PATJ: variants seen among roughly 807,000 people sequenced by gnomAD.
PATJ encodes inaD-like protein.
PATJ carries 190 observed loss-of-function variants against 224.9 expected under a neutral mutation model. The ratio of observed to expected loss-of-function variants is 0.84; its 90% confidence interval spans 0.75 to 0.95. The LOEUF is 0.95. Among genes scored for constraint, PATJ ranks in the 40% least tolerant of loss-of-function variants. PATJ has a pLI of 0.00. For missense variants in PATJ, 2,121 were observed against 2,270.3 expected, an observed-to-expected ratio of 0.93 and a Z score of 1.34; for synonymous variants, 769 against 820.3, an observed-to-expected ratio of 0.94 and a Z score of 1.07.
intron 1 of PATJ, among the ~76,000 whole-genome samples, chr1:61,754,245 C>A (rs959302618): frequency 1.3e-5 from 2 of 152,176 alleles, no homozygotes; most frequent in African/African-American, 4.8e-5. Flanking sequence ...CTCCATAAGC[C>A]CTGTTGGTTT....
At chr1:62,147,320 T>G (rs1668138208) in intron 41 of PATJ, among the ~76,000 whole-genome samples, 1 of 151,990 alleles carries the variant, frequency 6.6e-6, no homozygotes, top group South Asian at 2.1e-4. Flanking sequence ...GAAAATAAAC[T>G]AGTGAATTGT....
intron 12 of PATJ, among the ~76,000 whole-genome samples, 159 bp from the exon 13 acceptor site, chr1:61,805,289 C>T (rs900098786): frequency 2.0e-5 from 3 of 152,196 alleles, no homozygotes; most frequent in Non-Finnish European, 4.4e-5. Context: ...CTCTGATTTA[C>T]TTTACCTAGC....
In PATJ at chr1:61,787,818, C is replaced by T. The variant is rs777313647; in HGVS notation, c.914C>T (p.Thr305Ile). 4.3e-6 allele frequency: 7 copies of T among 1,614,124 alleles called. No individual in the cohort carries two copies. In the South Asian group the frequency reaches 6.6e-5, roughly 15 times the overall value. ...GGTGGCACAAACGTGCAGGGAATGACCAGTGAGCAAGTTGCACAAGTTCTA... is the reference window on the plus strand; with the variant it reads ...GGTGGCACAAACGTGCAGGGAATGATCAGTGAGCAAGTTGCACAAGTTCTA... ...KIGGTNVQGM[T>I]SEQVAQVLRN... The change falls in exon 8 of 44, where the codon ACC becomes ATC. Residue 305 changes from threonine to isoleucine, a missense_variant. Thr to Ile is a moderately conservative substitution (Grantham distance 89). Transcript: ENST00000642238.
intron 28 of PATJ, among the ~76,000 whole-genome samples, chr1:61,998,019 A>ATATATAATATATTATATATATTAATTC: frequency 8.2e-6 from 1 of 121,938 alleles, no homozygotes; most frequent in African/African-American, 3.2e-5. Context: ...TATATTAATT[A>ATATATAATATATTATATATATTAATTC]TATATAATAT....
chr1:61,972,630 G>T lies in PATJ; in HGVS notation c.3671-17538G>T, dbSNP rs1683140073. Among the ~76,000 whole-genome samples the T allele has an allele frequency of 2.0e-5, 3 of 152,020 alleles. No individual in the cohort carries two copies. In the South Asian group the frequency reaches 6.2e-4, roughly 31 times the overall value. On this transcript the variant is annotated intron_variant, in intron 27 of 43. Coordinates refer to ENST00000642238, the MANE Select transcript of PATJ (RefSeq NM_001350145.3). ...TGTTACTTTAAGACACTCTCTATAAGAAATAAGGAAGGGAAGTTTTGGCTG... is the reference window on the plus strand; with the variant it reads ...TGTTACTTTAAGACACTCTCTATAATAAATAAGGAAGGGAAGTTTTGGCTG...
chr1:62,119,526 T>C (rs1225150469), intron 37 of PATJ, among the ~76,000 whole-genome samples: 1 of 152,190 alleles, frequency 6.6e-6, no homozygotes, highest in East Asian at 1.9e-4. Context: ...CCAAGTGTCT[T>C]TTTTTAAAAT....
At chr1:61,942,575 G>T (rs1163677610) in intron 27 of PATJ, among the ~76,000 whole-genome samples, 3 of 151,042 alleles carry the variant, frequency 2.0e-5, no homozygotes, top group Non-Finnish European at 2.9e-5. Context: ...TTTTAAGAGG[G>T]AGTCTCACTC....
At chr1:62,154,291 C>T (rs1668934686) in intron 43 of PATJ, among the ~76,000 whole-genome samples, 2 of 151,972 alleles carry the variant, frequency 1.3e-5, no homozygotes, top group Non-Finnish European at 2.9e-5. Flanking sequence ...ATTGATACTA[C>T]AGTTTTTTTT....
At chr1:62,043,058 A>T (rs1166622468) in intron 30 of PATJ, among the ~76,000 whole-genome samples, 1 of 152,176 alleles carries the variant, frequency 6.6e-6, no homozygotes. Context: ...CTAATAAAAC[A>T]CTGAGCAAGA....
intron 4 of PATJ, among the ~76,000 whole-genome samples, chr1:61,766,706 TA>T (rs930777449): frequency 2.4e-4 from 37 of 152,098 alleles, no homozygotes; most frequent in South Asian, 1.9e-3. Flanking sequence ...GAGAGCTTTT[TA>T]AAAAAAAATT....
At chr1:61,837,539 AG>A (rs1229914047) in intron 17 of PATJ, among the ~76,000 whole-genome samples, 4 of 152,318 alleles carry the variant, frequency 2.6e-5, no homozygotes, top group Admixed American at 2.0e-4. Flanking sequence ...CTGTAATCCC[AG>A]CACTTTGGGA....
intron 14 of PATJ, among the ~76,000 whole-genome samples, chr1:61,822,442 A>AAAAAG (rs1293418816): frequency 6.6e-6 from 1 of 151,482 alleles, no homozygotes; most frequent in Admixed American, 6.6e-5. Flanking sequence ...AAAAAAAAAA[A>AAAAAG]AAAAGAAAAG....
chr1:62,128,108 C>T lies in PATJ; in HGVS notation c.5166+14C>T, dbSNP rs368805428. On this transcript the variant is annotated intron_variant, in intron 40 of 43. Transcript: ENST00000642238. ...CAGAAGCTTAAAGTAAACGAGAGAA[C>T]TGGTTGAAAGACTAACAATATGTGT... 6.8e-6 allele frequency: 11 copies of T among 1,613,780 alleles called. No homozygotes were observed. Among genetic ancestry groups the T allele is most frequent in the Non-Finnish European group, 8.5e-6 (10 of 1,179,910 alleles).
intron 27 of PATJ, among the ~76,000 whole-genome samples, chr1:61,980,104 G>A (rs1026263843): frequency 2.0e-5 from 3 of 151,824 alleles, no homozygotes; most frequent in African/African-American, 7.3e-5. Flanking sequence ...TGTTATGTAG[G>A]GTGTACTGAA....
intron 30 of PATJ, among the ~76,000 whole-genome samples, chr1:62,042,009 AAAT>A (rs1005863691): frequency 6.6e-6 from 1 of 152,014 alleles, no homozygotes; most frequent in Non-Finnish European, 1.5e-5. Flanking sequence ...GTAAATAAAT[AAAT>A]AATAATAATA....
chr1:62,056,527 CA>C (rs919603025), intron 31 of PATJ, among the ~76,000 whole-genome samples: 16 of 147,900 alleles, frequency 1.1e-4, no homozygotes, highest in South Asian at 2.1e-4. Context: ...GACCTTATCT[CA>C]AAAAAAAAAG....
At chr1:62,155,854 A>G (rs960142823) in intron 43 of PATJ, among the ~76,000 whole-genome samples, 1 of 150,104 alleles carries the variant, frequency 6.7e-6, no homozygotes, top group African/African-American at 2.4e-5. Flanking sequence ...TCCGGAGATC[A>G]AGACCATCCT....
intron 8 of PATJ, among the ~76,000 whole-genome samples, chr1:61,788,995 G>A (rs1381710643): frequency 6.6e-6 from 1 of 152,114 alleles, no homozygotes; most frequent in East Asian, 1.9e-4. Flanking sequence ...TGAAGGGAGG[G>A]TCCAGGAGGA....
intron 1 of PATJ, among the ~76,000 whole-genome samples, chr1:61,745,762 CCTGT>C (rs1291663431): frequency 6.6e-6 from 1 of 150,834 alleles, no homozygotes; most frequent in Non-Finnish European, 1.5e-5. Flanking sequence ...TGCCACCACA[CCTGT>C]CTAATTTTTA....
Sources: gnomAD v4.1 joint callset for allele counts (sites outside exome capture counted in the v4.1 genomes callset) on GRCh38, gnomAD v4.1.1 for gene constraint, MANE v1.5 for transcripts, NCBI Gene and HGNC (gene_info 2026-07-23, HGNC 2026-07-21) for gene names.